The following OPCML variants were observed in gnomAD, a reference collection of about 807,000 sequenced individuals.
OPCML encodes opioid-binding protein/cell adhesion molecule.
In OPCML, 13 loss-of-function variants were observed where a neutral mutation model predicts 37.8. That is an observed-to-expected ratio of 0.34 (90% CI 0.22 to 0.55). The LOEUF is 0.55. Among genes scored for constraint, OPCML ranks in the 20% least tolerant of loss-of-function variants. OPCML has a pLI of 0.91. For missense variants in OPCML, 341 were observed against 435.6 expected (o/e 0.78, Z 1.93); for synonymous variants, 176 against 168.8 (o/e 1.04, Z -0.33).
intron 3 of OPCML, among the ~76,000 whole-genome samples, chr11:132,622,314 A>G (rs939658404): frequency 1.3e-5 from 2 of 152,166 alleles, no homozygotes; most frequent in African/African-American, 4.8e-5. Flanking sequence ...AACAAAGACA[A>G]CTGAAGAAAG....
At chr11:132,718,737 C>A (rs917254362) in intron 2 of OPCML, among the ~76,000 whole-genome samples, 1 of 152,138 alleles carries the variant, frequency 6.6e-6, no homozygotes, top group Non-Finnish European at 1.5e-5. Context: ...CACACAAACA[C>A]GTCCTTACTA....
At chr11:132,812,535 G>T (rs144749363) in intron 2 of OPCML, among the ~76,000 whole-genome samples, 1 of 152,152 alleles carries the variant, frequency 6.6e-6, no homozygotes, top group Non-Finnish European at 1.5e-5. Context: ...CAGCAATTAG[G>T]AGGTTATTGG....
intron 1 of OPCML, among the ~76,000 whole-genome samples, chr11:133,241,018 A>G (rs1287804150): frequency 6.6e-6 from 1 of 152,236 alleles, no homozygotes; most frequent in Non-Finnish European, 1.5e-5. Context: ...GCCCTTAAAG[A>G]AAGTTGAGGA....
intron 1 of OPCML, among the ~76,000 whole-genome samples, chr11:133,415,185 G>A (rs901713088): frequency 3.3e-5 from 5 of 152,060 alleles, no homozygotes; most frequent in African/African-American, 4.8e-5. Flanking sequence ...CGAGGCGGGC[G>A]GATCACGAGG....
intron 2 of OPCML, among the ~76,000 whole-genome samples, chr11:132,843,757 G>A (rs1941400777): frequency 6.6e-6 from 1 of 152,206 alleles, no homozygotes; most frequent in Admixed American, 6.5e-5. Context: ...TCACTGCGAA[G>A]GACAGGCGAA....
chr11:132,964,811 T>C (rs1197976915), intron 1 of OPCML, among the ~76,000 whole-genome samples: 1 of 152,148 alleles, frequency 6.6e-6, no homozygotes, highest in Non-Finnish European at 1.5e-5. Flanking sequence ...CGTTCCTTTA[T>C]GAAGGCCAGA....
chr11:133,457,153 T>G lies in OPCML; in HGVS notation c.61+75111A>C, dbSNP rs187801376. ...TGTACAAGTGATCCAGGACAGACTA[T>G]AAGTGGATTTCTCAGCAAAAAAACT... On this transcript the variant is annotated intron_variant, in intron 1 of 7. Transcript: ENST00000524381. Among the ~76,000 whole-genome samples, 296 of 152,274 alleles carry G rather than the reference T, an allele frequency of 1.9e-3. 3 individuals carry two copies. The highest frequency in any genetic ancestry group is 6.8e-3 in the Middle Eastern group (2 of 294).
In OPCML at chr11:133,508,802, C is replaced by T. The variant is rs79816429; in HGVS notation, c.61+23462G>A. Among the ~76,000 whole-genome samples, 472 of 152,240 alleles carry T rather than the reference C, an allele frequency of 3.1e-3. 7 individuals are homozygous for T. In the East Asian group the frequency reaches 0.052, roughly 17 times the overall value. On this transcript the variant is annotated intron_variant, in intron 1 of 7. Transcript: ENST00000524381. Reference sequence around the variant, plus strand: ...GGTGCGCACCAAACAGCAAGGAAAGCGCTGAAAACGACTCGAGTCAAGAAT... The same window carrying T: ...GGTGCGCACCAAACAGCAAGGAAAGTGCTGAAAACGACTCGAGTCAAGAAT...
intron 1 of OPCML, among the ~76,000 whole-genome samples, chr11:133,102,561 AC>A (rs1949098857): frequency 6.6e-6 from 1 of 152,134 alleles, no homozygotes; most frequent in Non-Finnish European, 1.5e-5. Context: ...ATCCTAGCTA[AC>A]ATGGTGAAAC....
chr11:132,997,628 G>A (rs142606542), intron 1 of OPCML, among the ~76,000 whole-genome samples: 1 of 152,236 alleles, frequency 6.6e-6, no homozygotes, highest in African/African-American at 2.4e-5. Flanking sequence ...ATGGTGGTGG[G>A]AGGATGGAAG....
intron 2 of OPCML, among the ~76,000 whole-genome samples, chr11:132,749,441 G>C (rs181723656): frequency 1.2e-3 from 187 of 152,298 alleles, no homozygotes; most frequent in Non-Finnish European, 2.2e-3. Context: ...CAGGGAGTTT[G>C]AGTGGGTGGT....
chr11:132,529,378 A>G (rs2277271), intron 3 of OPCML, 192 bp from the exon 4 acceptor site: 46,809 of 220,062 alleles, frequency 0.21, 5,929 homozygotes, highest in Middle Eastern at 0.34. Flanking sequence ...AAGGAGCTCT[A>G]TATTATACCT....
At position 133,253,636 on chromosome 11, in the gene OPCML, C is replaced by A. The variant is rs551265845; in HGVS notation, c.61+278628G>T. ...CGAGTCACATTTTAAATCTTCATAA[C>A]AAATAAACCTTATAAGCAGCCTTCC... is the stretch of plus-strand genomic sequence containing the variant. On this transcript the variant is annotated intron_variant, in intron 1 of 7. Coordinates refer to ENST00000524381, the MANE Select transcript of OPCML (RefSeq NM_001012393.5). 8.5e-5 allele frequency among the ~76,000 whole-genome samples: 13 copies of A among 152,212 alleles called. No homozygotes were observed. In the South Asian group the frequency reaches 2.7e-3, roughly 32 times the overall value.
At chr11:133,411,860 T>C (rs1945659135) in intron 1 of OPCML, among the ~76,000 whole-genome samples, 2 of 152,186 alleles carry the variant, frequency 1.3e-5, no homozygotes, top group Admixed American at 1.3e-4. Context: ...TGTCTTTGAC[T>C]GAACATCATG....
chr11:132,594,943 A>C (rs2096490159), intron 3 of OPCML, among the ~76,000 whole-genome samples: 1 of 152,232 alleles, frequency 6.6e-6, no homozygotes, highest in Non-Finnish European at 1.5e-5. Flanking sequence ...CAAGGCAGAT[A>C]TGCTCTATTT....
intron 1 of OPCML, among the ~76,000 whole-genome samples, chr11:133,405,655 C>G (rs551846918): frequency 5.9e-5 from 9 of 152,292 alleles, no homozygotes; most frequent in Non-Finnish European, 1.3e-4. Flanking sequence ...CTGGGGGAAG[C>G]AGAGCTTTGA....
At chr11:133,149,517 C>G (rs1291018922) in intron 1 of OPCML, among the ~76,000 whole-genome samples, 2 of 152,222 alleles carry the variant, frequency 1.3e-5, no homozygotes, top group Non-Finnish European at 2.9e-5. Context: ...TCTTTTCCAT[C>G]CCTTCTACCA....
intron 4 of OPCML, among the ~76,000 whole-genome samples, chr11:132,463,575 G>A (rs1263709902): frequency 6.6e-6 from 1 of 152,218 alleles, no homozygotes; most frequent in African/African-American, 2.4e-5. Flanking sequence ...CACACTGCAA[G>A]GATTGAGAGG....
At chr11:132,672,709 C>T (rs1199440736) in intron 2 of OPCML, among the ~76,000 whole-genome samples, 1 of 152,124 alleles carries the variant, frequency 6.6e-6, no homozygotes, top group South Asian at 2.1e-4. Flanking sequence ...AGCTCTTCCA[C>T]GACCCTCTAT....
Sources: allele counts gnomAD v4.1 joint callset (sites outside exome capture counted in the v4.1 genomes callset), GRCh38; gene constraint gnomAD v4.1.1; transcripts MANE v1.5; gene names NCBI Gene and HGNC (gene_info 2026-07-23, HGNC 2026-07-21).